The following CD226 variants were observed in gnomAD, a reference collection of about 807,000 sequenced individuals.
CD226 encodes CD226 antigen.
In CD226, 24 loss-of-function variants were observed where a neutral mutation model predicts 34.9. The ratio of observed to expected loss-of-function variants is 0.69; its 90% CI spans 0.50 to 0.97. The LOEUF (loss-of-function observed/expected upper bound fraction) is 0.97, where lower values mean the gene tolerates loss of function less well. Ranked by LOEUF, CD226 falls within the 50% of genes least tolerant of loss-of-function variation. The probability of loss-of-function intolerance (pLI) is 0.00; values close to 1 mark genes in which losing one functional copy is unlikely to be tolerated. For missense variants in CD226, 397 were observed against 412.7 expected, an observed-to-expected ratio of 0.96 and a Z score of 0.33; for synonymous variants, 148 against 147.4, an observed-to-expected ratio of 1.00 and a Z score of -0.03.
At chr18:69,915,263 T>C (rs2055371834) in intron 2 of CD226, among the ~76,000 whole-genome samples, 1 of 152,234 alleles carries the variant, frequency 6.6e-6, no homozygotes, top group African/African-American at 2.4e-5. Flanking sequence ...GCATATACAC[T>C]TTAGCAAATG....
At chr18:69,941,551 T>A (rs1002145935) in intron 2 of CD226, among the ~76,000 whole-genome samples, 1 of 152,228 alleles carries the variant, frequency 6.6e-6, no homozygotes, top group Non-Finnish European at 1.5e-5. Context: ...CCCTACAGGA[T>A]TTCAGACTTG....
At chr18:69,903,735 G>A (rs887674583) in intron 2 of CD226, among the ~76,000 whole-genome samples, 3 of 152,114 alleles carry the variant, frequency 2.0e-5, no homozygotes, top group Non-Finnish European at 2.9e-5. Flanking sequence ...GAAGGCCAAA[G>A]ATTGCCAGAA....
At chr18:69,906,764 G>A (rs534290828) in intron 2 of CD226, among the ~76,000 whole-genome samples, 3 of 152,266 alleles carry the variant, frequency 2.0e-5, no homozygotes, top group African/African-American at 7.2e-5. Context: ...CTTTGCTTGG[G>A]TTTCGCTAAG....
intron 2 of CD226, among the ~76,000 whole-genome samples, chr18:69,925,867 A>C (rs962833003): frequency 5.3e-5 from 8 of 152,148 alleles, no homozygotes; most frequent in African/African-American, 1.4e-4. Flanking sequence ...AGCAGGCTGG[A>C]AACAGTGGAT....
intron 3 of CD226, among the ~76,000 whole-genome samples, chr18:69,878,139 C>G (rs955199924): frequency 6.6e-6 from 1 of 152,064 alleles, no homozygotes; most frequent in Admixed American, 6.6e-5. Flanking sequence ...TAATGTCAGC[C>G]CTGAAGCCCT....
intron 3 of CD226, among the ~76,000 whole-genome samples, chr18:69,886,347 C>G (rs996137973): frequency 7.9e-5 from 12 of 152,190 alleles, no homozygotes; most frequent in Admixed American, 1.3e-4. Context: ...GCGACCAAGA[C>G]AAAGCCCTGT....
chr18:69,925,150 T>C (rs547000774), intron 2 of CD226, among the ~76,000 whole-genome samples: 80 of 152,316 alleles, frequency 5.3e-4, no homozygotes, highest in African/African-American at 1.8e-3. Context: ...ACTTCCGATA[T>C]TTGCAAATGG....
intron 2 of CD226, among the ~76,000 whole-genome samples, chr18:69,913,387 T>C: frequency 6.6e-6 from 1 of 152,214 alleles, no homozygotes; most frequent in Non-Finnish European, 1.5e-5. Context: ...GATGGGATTA[T>C]TTAAGCTTTT....
intron 2 of CD226, among the ~76,000 whole-genome samples, chr18:69,928,328 C>T (rs2055548724): frequency 6.6e-6 from 1 of 152,164 alleles, no homozygotes; most frequent in Non-Finnish European, 1.5e-5. Context: ...AGCATGTCTC[C>T]TAAGGGCAAA....
intron 2 of CD226, among the ~76,000 whole-genome samples, chr18:69,906,390 CTCTGA>C (rs979457618): frequency 6.6e-6 from 1 of 152,164 alleles, no homozygotes; most frequent in Non-Finnish European, 1.5e-5. Flanking sequence ...ATTAAAATTG[CTCTGA>C]AAATTGGAAG....
rs115895031 is a variant in CD226, at chr18:69,855,886, A to C, written c.*8428T>G. 1.6e-3 allele frequency: 248 copies of C among 152,274 alleles called. 1 individual carries two copies. The highest frequency in any genetic ancestry group is 5.7e-3 in the African/African-American group (236 of 41,570). The allele number at this position is 152,274 out of a possible 1,614,324, so 9.4% of individuals were successfully genotyped here. A position where few individuals can be genotyped will look rare whatever the true frequency, so the allele number is the denominator to read the frequency against. On this transcript the variant is annotated 3_prime_UTR_variant, in exon 6 of 6. Coordinates refer to ENST00000582621, the MANE Select transcript of CD226 (RefSeq NM_001303618.2). ...TGGGTTTAAACACACAAAAAAGATG[A>C]ATGTTAGAGGTGACAGATATCACGA...
intron 2 of CD226, among the ~76,000 whole-genome samples, chr18:69,914,187 C>A (rs922174123): frequency 1.3e-5 from 2 of 152,208 alleles, no homozygotes; most frequent in Non-Finnish European, 2.9e-5. Flanking sequence ...TTCTACCTTT[C>A]TATATAATAT....
At chr18:69,900,312 A>G (rs2055159154) in intron 2 of CD226, among the ~76,000 whole-genome samples, 1 of 150,336 alleles carries the variant, frequency 6.7e-6, no homozygotes, top group Non-Finnish European at 1.5e-5. Flanking sequence ...AGAGAAGCAG[A>G]AAAGAGAACT....
In CD226 at chr18:69,946,735, T is replaced by C; in HGVS notation, c.381A>G (p.Ser127=). 4 of 1,599,182 alleles carry C rather than the reference T, an allele frequency of 2.5e-6. No homozygotes were observed. The highest frequency in any genetic ancestry group is 3.4e-6 in the Non-Finnish European group (4 of 1,172,638). The change falls in exon 2 of 6, where the codon TCA becomes TCG. Residue 127 remains serine, a splice_region_variant and synonymous_variant. Coordinates refer to ENST00000582621, the MANE Select transcript of CD226 (RefSeq NM_001303618.2). Reference sequence around the variant, plus strand: ...AAAAAAAAAAAAACTTGCCCTTACCTGACTGAACCACCTGTATCACCTTCT... The same window carrying C: ...AAAAAAAAAAAAACTTGCCCTTACCCGACTGAACCACCTGTATCACCTTCT... ...TWQKVIQVVQ[S]DSFEAAVPSN... is the part of the protein sequence containing the mutation.
Position 69,858,001 on chromosome 18 carries a change from C to G in CD226, c.*6313G>C, listed in dbSNP as rs1043759854. On this transcript the variant is annotated 3_prime_UTR_variant, in exon 6 of 6. Coordinates refer to ENST00000582621, the MANE Select transcript of CD226 (RefSeq NM_001303618.2). ...AGACATAAGTTGCAGGTTTAAAAATCAATAGATTTGAATAAAGTTAAAGTC... is the reference window on the plus strand; with the variant it reads ...AGACATAAGTTGCAGGTTTAAAAATGAATAGATTTGAATAAAGTTAAAGTC... 3 of 152,038 alleles carry G rather than the reference C, an allele frequency of 2.0e-5. No individual in the cohort carries two copies. Among genetic ancestry groups the G allele is most frequent in the Non-Finnish European group, 2.9e-5 (2 of 67,990 alleles). 9.4% of individuals were successfully genotyped at this position (152,038 alleles called of 1,614,324 possible).
chr18:69,949,321 A>C (rs747965008), upstream of CD226, among the ~76,000 whole-genome samples: 1 of 152,206 alleles, frequency 6.6e-6, no homozygotes, highest in Non-Finnish European at 1.5e-5. Flanking sequence ...CGTTTTGGAA[A>C]GATAATCTTG....
intron 1 of CD226, among the ~76,000 whole-genome samples, chr18:69,953,065 G>T (rs1023944912): frequency 6.6e-6 from 1 of 152,210 alleles, no homozygotes; most frequent in Non-Finnish European, 1.5e-5. Context: ...AAATTAATAT[G>T]TTAGGGAAAA....
chr18:69,948,206 G>A (rs1039203135), upstream of CD226, among the ~76,000 whole-genome samples: 2 of 152,102 alleles, frequency 1.3e-5, no homozygotes, highest in African/African-American at 4.8e-5. Context: ...ATCAAAACAG[G>A]ATTCATTTTT....
intron 1 of CD226, among the ~76,000 whole-genome samples, chr18:69,956,312 GC>G (rs966343034): frequency 6.6e-6 from 1 of 152,168 alleles, no homozygotes; most frequent in Non-Finnish European, 1.5e-5. Flanking sequence ...TAACTATCTG[GC>G]CCTTTACAGA....
Sources: gnomAD v4.1 joint callset for allele counts (sites outside exome capture counted in the v4.1 genomes callset) on GRCh38, gnomAD v4.1.1 for gene constraint, MANE v1.5 for transcripts, NCBI Gene and HGNC (gene_info 2026-07-23, HGNC 2026-07-21) for gene names.